Variants in SLC4A10 observed in about 807,000 individuals in gnomAD.
The protein encoded by SLC4A10 is sodium-driven chloride bicarbonate exchanger.
In SLC4A10, 42 loss-of-function variants were observed where a neutral mutation model predicts 137.7. The ratio of observed to expected loss-of-function variants is 0.30; its 90% confidence interval spans 0.24 to 0.39. The LOEUF is 0.39. Ranked by LOEUF, SLC4A10 falls within the 10% of genes least tolerant of loss-of-function variation. The pLI is 1.00. For synonymous variants in SLC4A10, 474 were observed against 464.1 expected (o/e 1.02, Z -0.27); for missense variants, 925 against 1,355.0 (o/e 0.68, Z 4.98).
chr2:161,784,243 C>T (rs1574950643), intron 2 of SLC4A10, among the ~76,000 whole-genome samples: 1 of 151,900 alleles, frequency 6.6e-6, no homozygotes, highest in South Asian at 2.1e-4. Flanking sequence ...ATAAAGCAAA[C>T]ATTGACAAAA....
intron 15 of SLC4A10, among the ~76,000 whole-genome samples, chr2:161,921,809 T>G (rs868692868): frequency 6.6e-6 from 1 of 152,226 alleles, no homozygotes; most frequent in Non-Finnish European, 1.5e-5. Context: ...ATAAACTTTC[T>G]GACATATTAA....
chr2:161,826,984 T>C (rs1168432115), intron 3 of SLC4A10, among the ~76,000 whole-genome samples: 1 of 152,224 alleles, frequency 6.6e-6, no homozygotes, highest in African/African-American at 2.4e-5. Context: ...CCGTGAGATG[T>C]ATGTTCCATG....
chr2:161,916,573 A>G (rs1291572796), intron 15 of SLC4A10, among the ~76,000 whole-genome samples: 5 of 152,194 alleles, frequency 3.3e-5, no homozygotes, highest in African/African-American at 1.2e-4. Flanking sequence ...TGCCAAAGCC[A>G]AAGGGCTTCT....
intron 2 of SLC4A10, among the ~76,000 whole-genome samples, chr2:161,803,905 T>A (rs1559285254): frequency 6.6e-6 from 1 of 152,174 alleles, no homozygotes; most frequent in Non-Finnish European, 1.5e-5. Flanking sequence ...TATAACAATA[T>A]GCCAGAGTCG....
rs1558970089 is a variant in SLC4A10 at position 161,660,660 on chromosome 2, C to CTTT, written c.48+36094_48+36095insTTT. Reference sequence around the variant, plus strand: ...TCTTTCCTTCTTTCTTTCTTTCTTTCCTTTTTTTTTTGAGACAGCGTCTTG... The same window carrying CTTT: ...TCTTTCCTTCTTTCTTTCTTTCTTTCTTTCTTTTTTTTTTGAGACAGCGTCTTG... On this transcript the variant is annotated intron_variant, in intron 1 of 26. Transcript: ENST00000446997. Among the ~76,000 whole-genome samples, 34 of 93,500 alleles carry CTTT rather than the reference C, an allele frequency of 3.6e-4. 1 individual carries two copies. Among genetic ancestry groups the CTTT allele is most frequent in the East Asian group, 3.3e-3 (11 of 3,290 alleles). 61.3% of individuals were successfully genotyped at this position (93,500 alleles called of 152,430 possible). A position where few individuals can be genotyped will look rare whatever the true frequency, so the allele number is the denominator to read the frequency against.
At chr2:161,715,365 G>C (rs1574518565) in intron 1 of SLC4A10, among the ~76,000 whole-genome samples, 1 of 152,022 alleles carries the variant, frequency 6.6e-6, no homozygotes, top group African/African-American at 2.4e-5. Context: ...TTAAGTTCTG[G>C]GATACATGTG....
At chr2:161,830,415 A>G (rs2058358471) in intron 3 of SLC4A10, among the ~76,000 whole-genome samples, 1 of 151,486 alleles carries the variant, frequency 6.6e-6, no homozygotes, top group Admixed American at 6.6e-5. Flanking sequence ...GGCTAAGGTT[A>G]CCTTTCATAT....
chr2:161,721,259 G>A (rs2045630195), intron 1 of SLC4A10, among the ~76,000 whole-genome samples: 1 of 152,186 alleles, frequency 6.6e-6, no homozygotes, highest in South Asian at 2.1e-4. Flanking sequence ...ATTTGTTAGT[G>A]TAGTTGCTTC....
intron 6 of SLC4A10, 34 bp downstream of exon 6, chr2:161,863,096 C>G: frequency 6.3e-7 from 1 of 1,578,228 alleles, no homozygotes; most frequent in Non-Finnish European, 8.7e-7. Flanking sequence ...TTTATGTCTA[C>G]TATAGGTCTC....
At chr2:161,813,253 T>C (rs143030616) in intron 3 of SLC4A10, among the ~76,000 whole-genome samples, 4 of 152,264 alleles carry the variant, frequency 2.6e-5, no homozygotes, top group African/African-American at 9.6e-5. Flanking sequence ...AGATTCCTAC[T>C]ATATCTACCT....
intron 15 of SLC4A10, among the ~76,000 whole-genome samples, chr2:161,930,012 C>T (rs1690029432): frequency 6.6e-6 from 1 of 152,132 alleles, no homozygotes; most frequent in Non-Finnish European, 1.5e-5. Flanking sequence ...TGAGTTACTT[C>T]TGTACCCTGT....
intron 6 of SLC4A10, among the ~76,000 whole-genome samples, chr2:161,867,673 A>T (rs1043604243): frequency 6.6e-6 from 1 of 151,826 alleles, no homozygotes; most frequent in African/African-American, 2.4e-5. Flanking sequence ...AGGCATACTA[A>T]TTTTTCTCCG....
At chr2:161,649,809 T>A (rs941765350) in intron 1 of SLC4A10, among the ~76,000 whole-genome samples, 1 of 150,398 alleles carries the variant, frequency 6.6e-6, no homozygotes, top group African/African-American at 2.5e-5. Flanking sequence ...ATTTTTTTTT[T>A]TGTAGTGCTT....
chr2:161,695,135 A>G (rs1399651), intron 1 of SLC4A10, among the ~76,000 whole-genome samples: 139,470 of 152,084 alleles, frequency 0.92, 64,033 homozygotes, highest in East Asian at 1. Context: ...ATAACTTTAC[A>G]ATACAGAGAA....
rs181761047 is a variant in SLC4A10, at chr2:161,972,343, C to T, written c.3160-1906C>T. ...ATGATACATATGCTCTGCCCCTGAC[C>T]GCCAGGATGTGCCTACAATATATAT... On this transcript the variant is annotated intron_variant, in intron 23 of 26. Coordinates refer to ENST00000446997, the MANE Select transcript of SLC4A10 (RefSeq NM_001178015.2). Among the ~76,000 whole-genome samples the T allele has an allele frequency of 9.8e-4, 149 of 152,162 alleles. 1 individual carries two copies. The highest frequency in any genetic ancestry group is 3.2e-3 in the African/African-American group (134 of 41,510).
At chr2:161,841,089 T>C (rs758525159) in intron 4 of SLC4A10, among the ~76,000 whole-genome samples, 9 of 152,184 alleles carry the variant, frequency 5.9e-5, no homozygotes, top group Non-Finnish European at 8.8e-5. Context: ...TATTTATTTA[T>C]TTGTCTGAGA....
intron 1 of SLC4A10, among the ~76,000 whole-genome samples, chr2:161,757,589 A>G (rs2049802318): frequency 6.6e-6 from 1 of 152,180 alleles, no homozygotes. Context: ...TGAGGCACAA[A>G]GAACTTGCTT....
rs555483843 is a variant in SLC4A10 at position 161,920,158 on chromosome 2, C to T, written c.1997+14271C>T. ...AGGCCTGGGATCCAGGCTGGTAGCA[C>T]GAGCTGAGCACAACCTGCCAGGCCT... On this transcript the variant is annotated intron_variant, in intron 15 of 26. Coordinates refer to ENST00000446997, the MANE Select transcript of SLC4A10 (RefSeq NM_001178015.2). Among the ~76,000 whole-genome samples, 489 of 152,302 alleles carry T rather than the reference C, an allele frequency of 3.2e-3. 2 individuals carry two copies. The highest frequency in any genetic ancestry group is 5.1e-3 in the Non-Finnish European group (345 of 68,034).
chr2:161,707,205 C>T (rs1474341180), intron 1 of SLC4A10, among the ~76,000 whole-genome samples: 1 of 151,466 alleles, frequency 6.6e-6, no homozygotes, highest in Non-Finnish European at 1.5e-5. Flanking sequence ...GAATACCAAG[C>T]TCTGTGTCTC....
Sources: allele counts gnomAD v4.1 joint callset (sites outside exome capture counted in the v4.1 genomes callset), GRCh38; gene constraint gnomAD v4.1.1; transcripts MANE v1.5; gene names NCBI Gene and HGNC (gene_info 2026-07-23, HGNC 2026-07-21).